The following EML4 variants were observed in gnomAD, a reference collection of about 807,000 sequenced individuals.
EML4 encodes the protein echinoderm microtubule-associated protein-like 4.
A neutral mutation model predicts 129.0 loss-of-function variants in EML4; 72 were observed. The observed-to-expected ratio is 0.56, with a 90% CI of 0.46 to 0.68. EML4 has a LOEUF of 0.68. Among genes scored for constraint, EML4 ranks in the 30% least tolerant of loss-of-function variants. The pLI is 0.00. For synonymous variants in EML4, 532 were observed against 405.0 expected (o/e 1.31, Z -3.77); for missense variants, 1,363 against 1,190.6 (o/e 1.14, Z -2.13).
chr2:42,190,265 C>G (rs1367184562), intron 1 of EML4, among the ~76,000 whole-genome samples: 1 of 152,150 alleles, frequency 6.6e-6, no homozygotes, highest in Non-Finnish European at 1.5e-5. Context: ...CTCCCATTCC[C>G]TCCTCCTGCT....
intron 6 of EML4, among the ~76,000 whole-genome samples, chr2:42,279,918 T>C (rs1666912674): frequency 6.6e-6 from 1 of 152,126 alleles, no homozygotes; most frequent in South Asian, 2.1e-4. Context: ...TTTTTATGTC[T>C]TTGGAGAGAC....
chr2:42,285,417 C>A (rs1244616653), intron 9 of EML4, among the ~76,000 whole-genome samples: 3 of 152,044 alleles, frequency 2.0e-5, no homozygotes, highest in Non-Finnish European at 4.4e-5. Context: ...TAGAAGGTTT[C>A]TACTGGATAA....
At chr2:42,233,147 T>G (rs1320634098) in intron 1 of EML4, among the ~76,000 whole-genome samples, 1 of 152,236 alleles carries the variant, frequency 6.6e-6, no homozygotes, top group African/African-American at 2.4e-5. Flanking sequence ...ACATTTAGTT[T>G]GGTTTAGGTT....
intron 1 of EML4, among the ~76,000 whole-genome samples, chr2:42,183,957 A>C (rs1315681336): frequency 6.6e-6 from 1 of 152,024 alleles, no homozygotes; most frequent in Admixed American, 6.6e-5. Flanking sequence ...GGATGAGGTC[A>C]CCTCTTTGAC....
intron 6 of EML4, among the ~76,000 whole-genome samples, chr2:42,273,507 A>C (rs1021316900): frequency 6.6e-6 from 1 of 152,208 alleles, no homozygotes; most frequent in East Asian, 1.9e-4. Context: ...TTAGTATAAG[A>C]GTTGATTAAC....
chr2:42,169,559 CTGAA>C lies in EML4; in HGVS notation c.-48_-45del. Reference sequence around the variant, plus strand: ...CAGCGTCGGCCACTCTGTCGGTCCGCTGAATGAAGTGCCCGCCCCTCTAAGCCCG... The same window carrying C: ...CAGCGTCGGCCACTCTGTCGGTCCGCTGAAGTGCCCGCCCCTCTAAGCCCG... On this transcript the variant is annotated 5_prime_UTR_variant, in exon 1 of 23. The change abolishes an upstream ATG in the 5' untranslated region. Coordinates refer to ENST00000318522, the MANE Select transcript of EML4 (RefSeq NM_019063.5). 1 of 1,582,096 alleles carries C rather than the reference CTGAA, an allele frequency of 6.3e-7. No homozygotes were observed. The highest frequency in any genetic ancestry group is 8.6e-7 in the Non-Finnish European group (1 of 1,168,504).
chr2:42,207,072 A>G (rs1672595474), intron 1 of EML4, among the ~76,000 whole-genome samples: 1 of 152,214 alleles, frequency 6.6e-6, no homozygotes, highest in Non-Finnish European at 1.5e-5. Flanking sequence ...AGTACACTGT[A>G]GTAATAGATT....
At chr2:42,242,515 G>A (rs7560627) in intron 1 of EML4, among the ~76,000 whole-genome samples, 69,525 of 151,674 alleles carry the variant, frequency 0.46, 16,188 homozygotes, top group East Asian at 0.73. Context: ...CCTGGTAGCT[G>A]GAGAACCAAG....
At chr2:42,297,308 A>G (rs1668015052) in intron 13 of EML4, among the ~76,000 whole-genome samples, 1 of 152,188 alleles carries the variant, frequency 6.6e-6, no homozygotes, top group Non-Finnish European at 1.5e-5. Context: ...TGACTTTTAA[A>G]TTGTTCACGA....
At chr2:42,253,589 C>G (rs1675928122) in intron 2 of EML4, among the ~76,000 whole-genome samples, 1 of 152,030 alleles carries the variant, frequency 6.6e-6, no homozygotes, top group Non-Finnish European at 1.5e-5. Flanking sequence ...TCAACATAAT[C>G]CAAAAGAGAA....
intron 1 of EML4, among the ~76,000 whole-genome samples, chr2:42,201,750 A>G (rs556731744): frequency 1.3e-5 from 2 of 152,300 alleles, no homozygotes; most frequent in East Asian, 1.9e-4. Context: ...CAGATAACAC[A>G]TGATTTCACT....
intron 2 of EML4, 79 bp downstream of exon 2, chr2:42,245,766 T>C: frequency 1.5e-6 from 2 of 1,323,810 alleles, no homozygotes; most frequent in Non-Finnish European, 2.0e-6. Context: ...AATATAAAAC[T>C]AGTTTCTTAT....
At chr2:42,213,180 A>G (rs1672979330) in intron 1 of EML4, among the ~76,000 whole-genome samples, 1 of 152,206 alleles carries the variant, frequency 6.6e-6, no homozygotes, top group African/African-American at 2.4e-5. Flanking sequence ...AAGTACACTC[A>G]TGATAACATA....
At chr2:42,232,236 C>G (rs967396109) in intron 1 of EML4, among the ~76,000 whole-genome samples, 1 of 152,094 alleles carries the variant, frequency 6.6e-6, no homozygotes, top group Non-Finnish European at 1.5e-5. Context: ...TAGTAATGCA[C>G]TGCACAAGTG....
At chr2:42,288,157 T>C (rs1667416607) in intron 10 of EML4, 70 bp from the exon 11 acceptor site, 12 of 649,528 alleles carry the variant, frequency 1.8e-5, no homozygotes, top group Non-Finnish European at 2.7e-5. Flanking sequence ...TTTAATAAGA[T>C]GGTATTTCTT....
At position 42,225,549 on chromosome 2, in the gene EML4, A is replaced by G. The variant is rs117106479; in HGVS notation, c.26-19956A>G. Among the ~76,000 whole-genome samples the G allele has an allele frequency of 9.8e-5, 15 of 152,304 alleles. No homozygotes were observed. In the East Asian group the frequency reaches 2.3e-3, roughly 23 times the overall value. On this transcript the variant is annotated intron_variant, in intron 1 of 22. Transcript: ENST00000318522. ...AATTATTCTCCAGAAGAGTTTGTCA[A>G]TATATACTTCCCTTCAGAATGTATA...
rs539306804 is a variant in EML4, at chr2:42,283,673, A to G, written c.941+701A>G. ...TAATAGATGACTATTATAATATTAT[A>G]TAGATATTGAACTTTTGGAGTTGAT... On this transcript the variant is annotated intron_variant, in intron 8 of 22. Coordinates refer to ENST00000318522, the MANE Select transcript of EML4 (RefSeq NM_019063.5). Among the ~76,000 whole-genome samples, 5 of 152,282 alleles carry G rather than the reference A, an allele frequency of 3.3e-5. No individual in the cohort carries two copies. The South Asian group carries it at 1.0e-3, about 32-fold the overall frequency.
At chr2:42,206,192 C>T (rs1263028294) in intron 1 of EML4, among the ~76,000 whole-genome samples, 1 of 152,082 alleles carries the variant, frequency 6.6e-6, no homozygotes, top group Middle Eastern at 3.2e-3. Flanking sequence ...CAGAATCAGG[C>T]ATTACATTTA....
rs551700831 is a variant in EML4, at chr2:42,300,119, G to GAAC, written c.1490-1120_1490-1118dup. ...TTTTAAAATCTATTCATCAGTTGAG[G>GAAC]AACAGTTTTAGAAAATGAATAGTTG... On this transcript the variant is annotated intron_variant, in intron 13 of 22. Transcript: ENST00000318522. 4.9e-4 allele frequency among the ~76,000 whole-genome samples: 74 copies of GAAC among 152,334 alleles called. 2 individuals carry two copies. In the South Asian group the frequency reaches 0.015, roughly 31 times the overall value.
Sources: allele counts gnomAD v4.1 joint callset (sites outside exome capture counted in the v4.1 genomes callset), GRCh38; gene constraint gnomAD v4.1.1; transcripts MANE v1.5; gene names NCBI Gene and HGNC (gene_info 2026-07-23, HGNC 2026-07-21).